The following ARFGEF2 variants were observed in gnomAD, a reference collection of about 807,000 sequenced individuals.
The protein encoded by ARFGEF2 is ARF guanine nucleotide exchange factor 2, also known as brefeldin A-inhibited guanine nucleotide-exchange protein 2.
In ARFGEF2, 74 loss-of-function variants were observed where a neutral mutation model predicts 219.9. The ratio of observed to expected loss-of-function variants is 0.34; its 90% confidence interval spans 0.28 to 0.41. The LOEUF (loss-of-function observed/expected upper bound fraction) is 0.41. Among genes scored for constraint, ARFGEF2 ranks in the 10% least tolerant of loss-of-function variants. The probability of loss-of-function intolerance (pLI) is 1.00; values close to 1 mark genes in which losing one functional copy is unlikely to be tolerated. For missense variants in ARFGEF2, 1,743 were observed against 2,218.3 expected (o/e 0.79, Z 4.30); for synonymous variants, 733 against 799.2 (o/e 0.92, Z 1.40).
chr20:48,948,799 A>G (rs1450618912), intron 3 of ARFGEF2, among the ~76,000 whole-genome samples: 2 of 152,198 alleles, frequency 1.3e-5, no homozygotes, highest in Non-Finnish European at 1.5e-5. Flanking sequence ...AGCTGCCTAG[A>G]GGCCTCCCTC....
chr20:48,934,871 G>GA (rs1210457537), intron 1 of ARFGEF2, among the ~76,000 whole-genome samples: 1 of 152,186 alleles, frequency 6.6e-6, no homozygotes. Context: ...TATATACCCA[G>GA]TGATGGGATT....
chr20:49,021,252 AT>A lies in ARFGEF2; in HGVS notation c.4625-1789del, dbSNP rs535532841. On this transcript the variant is annotated intron_variant, in intron 34 of 38. Coordinates refer to ENST00000371917, the MANE Select transcript of ARFGEF2 (RefSeq NM_006420.3). ...CCCCATCTCTAAGAAGAAAAAAAAA[AT>A]TTTTTTTTTAATGAAAAAAATGAAA... Among the ~76,000 whole-genome samples the A allele has an allele frequency of 2.1e-3, 320 of 150,142 alleles. 2 individuals carry two copies. The highest frequency in any genetic ancestry group is 7.0e-3 in the African/African-American group (285 of 41,000).
At chr20:49,025,626 G>A in intron 36 of ARFGEF2, 145 bp downstream of exon 36, 1 of 918,864 alleles carries the variant, frequency 1.1e-6, no homozygotes. Context: ...GAAGGGAAAT[G>A]TTGGATAGGT....
At chr20:49,023,952 G>T (rs919003674) in intron 35 of ARFGEF2, among the ~76,000 whole-genome samples, 6 of 151,404 alleles carry the variant, frequency 4.0e-5, no homozygotes, top group African/African-American at 1.5e-4. Flanking sequence ...TCTACATATG[G>T]GATTCTTTTC....
At chr20:48,985,922 G>A (rs866001780) in intron 16 of ARFGEF2, among the ~76,000 whole-genome samples, 2 of 152,306 alleles carry the variant, frequency 1.3e-5, no homozygotes, top group Middle Eastern at 3.4e-3. Flanking sequence ...AGACAATTGG[G>A]CACCTCTTCC....
In ARFGEF2 at chr20:48,953,456, G is replaced by A. The variant is rs147934499; in HGVS notation, c.604-100G>A. ...CTTCCAAAGTGCTGAAATTATAGGCGTTAACCACCGCGCCCAGCCCAGGAA... is the reference window on the plus strand; with the variant it reads ...CTTCCAAAGTGCTGAAATTATAGGCATTAACCACCGCGCCCAGCCCAGGAA... On this transcript the variant is annotated intron_variant, in intron 5 of 38. Coordinates refer to ENST00000371917, the MANE Select transcript of ARFGEF2 (RefSeq NM_006420.3). 8.7e-3 allele frequency: 9,783 copies of A among 1,128,982 alleles called. 93 individuals are homozygous for A. The highest frequency in any genetic ancestry group is 0.046 in the Middle Eastern group (234 of 5,098). The allele number at this position is 1,128,982 out of a possible 1,614,324, so 69.9% of individuals were successfully genotyped here.
chr20:48,943,066 G>A (rs1490576767), intron 3 of ARFGEF2, among the ~76,000 whole-genome samples: 5 of 152,024 alleles, frequency 3.3e-5, no homozygotes, highest in African/African-American at 7.2e-5. Context: ...GCACACCCTC[G>A]GGGTCCATTG....
intron 36 of ARFGEF2, among the ~76,000 whole-genome samples, chr20:49,027,824 A>G (rs983026259): frequency 2.0e-5 from 3 of 152,220 alleles, no homozygotes; most frequent in African/African-American, 7.2e-5. Context: ...ATCTGTATTA[A>G]GAATATATAT....
At chr20:49,010,087 T>G in intron 26 of ARFGEF2, 145 bp from the exon 27 acceptor site, 1 of 953,636 alleles carries the variant, frequency 1.0e-6, no homozygotes, top group Non-Finnish European at 1.6e-6. Context: ...GGAATGGAAG[T>G]GAGAGGAAAC....
At chr20:48,997,918 C>T (rs1015880529) in intron 23 of ARFGEF2, among the ~76,000 whole-genome samples, 15 of 152,162 alleles carry the variant, frequency 9.9e-5, no homozygotes, top group Admixed American at 4.6e-4. Context: ...AGTGCAGTGG[C>T]GCAATCTCGG....
chr20:49,002,056 G>A (rs935401828), intron 25 of ARFGEF2, among the ~76,000 whole-genome samples: 1 of 152,090 alleles, frequency 6.6e-6, no homozygotes, highest in Non-Finnish European at 1.5e-5. Context: ...GACTAACCTG[G>A]CCAACAAATA....
Position 48,969,169 on chromosome 20 carries a change from A to G in ARFGEF2, c.1082A>G (p.Gln361Arg). The G allele has an allele frequency of 1.2e-6, 2 of 1,614,156 alleles. No individual in the cohort carries two copies. Among genetic ancestry groups the G allele is most frequent in the Non-Finnish European group, 1.7e-6 (2 of 1,180,012 alleles). The change falls in exon 9 of 39, where the codon CAA (glutamine) becomes CGA (arginine). Residue 361 changes from glutamine (Q) to arginine (R), a missense_variant. Transcript: ENST00000371917. ...TAGGAATCGGATGCACAAGGACATCAAGTGGCTGCCAGGTTCTCCCACGTT... is the reference window on the plus strand; with the variant it reads ...TAGGAATCGGATGCACAAGGACATCGAGTGGCTGCCAGGTTCTCCCACGTT... The part of the protein sequence containing the change: ...DNLESDAQGH[Q>R]VAARFSHVLQ...
intron 12 of ARFGEF2, 82 bp from the exon 13 acceptor site, chr20:48,974,684 C>A: frequency 1.9e-6 from 2 of 1,073,980 alleles, no homozygotes; most frequent in Non-Finnish European, 2.8e-6. Context: ...CTTAGCCTCA[C>A]TGGGGTCCCA....
intron 34 of ARFGEF2, 135 bp downstream of exon 34, chr20:49,019,133 A>G: frequency 1.4e-6 from 1 of 720,454 alleles, no homozygotes; most frequent in Non-Finnish European, 2.4e-6. Flanking sequence ...TGTAGCAGCC[A>G]AGGTTACCTG....
At chr20:48,978,400 G>A (rs2091275514) in intron 14 of ARFGEF2, among the ~76,000 whole-genome samples, 1 of 152,200 alleles carries the variant, frequency 6.6e-6, no homozygotes, top group Non-Finnish European at 1.5e-5. Context: ...AAGTCAGGTA[G>A]TGTGATGCCT....
Position 49,010,329 on chromosome 20 carries a change from G to A in ARFGEF2, c.3682G>A (p.Val1228Met), listed in dbSNP as rs775296325. The A allele has an allele frequency of 1.7e-5, 28 of 1,614,142 alleles. No individual in the cohort carries two copies. The Admixed American group carries it at 3.7e-4, about 21-fold the overall frequency. Reference protein sequence around the residue: ...IRSGWKNIFAVFHQAASDHDG... With the variant: ...IRSGWKNIFAMFHQAASDHDG... ...CTCAGGTTGGAAGAACATCTTTGCC[G>A]TGTTCCACCAGGCAGCCTCTGATCA... is the stretch of plus-strand genomic sequence containing the variant. Residue 1228 changes from valine to methionine, a missense_variant, in exon 27 of 39, where the codon GTG becomes ATG. Transcript: ENST00000371917.
At chr20:49,001,712 C>T (rs1439969803) in intron 25 of ARFGEF2, among the ~76,000 whole-genome samples, 1 of 152,164 alleles carries the variant, frequency 6.6e-6, no homozygotes, top group Non-Finnish European at 1.5e-5. Context: ...CACATCTGGC[C>T]CTCCCCAAAG....
chr20:48,999,186 C>T (rs752034261), intron 25 of ARFGEF2: 24 of 415,210 alleles, frequency 5.8e-5, no homozygotes, highest in Admixed American at 1.4e-4. Flanking sequence ...TGCAGTGAGT[C>T]GAGATCGCAC....
intron 23 of ARFGEF2, among the ~76,000 whole-genome samples, chr20:48,996,700 C>T (rs190293427): frequency 4.0e-5 from 6 of 149,112 alleles, no homozygotes; most frequent in East Asian, 2.0e-4. Flanking sequence ...GCCGAGATCG[C>T]GCCATTGCAC....
Sources: gnomAD v4.1 joint callset for allele counts (sites outside exome capture counted in the v4.1 genomes callset) on GRCh38, gnomAD v4.1.1 for gene constraint, MANE v1.5 for transcripts, NCBI Gene and HGNC (gene_info 2026-07-23, HGNC 2026-07-21) for gene names.